Variants in INSL6 observed in about 807,000 individuals in gnomAD.
INSL6 encodes insulin-like peptide INSL6.
Under a neutral mutation model 9.4 loss-of-function variants are expected in INSL6, and 16 were observed. The observed-to-expected ratio is 1.70, with a 90% CI of 1.15 to 2.59. The LOEUF is 2.59. Among genes scored for constraint, INSL6 ranks in the 30% most tolerant of loss-of-function variants. The pLI, the probability that INSL6 is intolerant of heterozygous loss-of-function variation, is 0.00. For missense variants in INSL6, 391 were observed against 257.3 expected (o/e 1.52, Z -3.56); for synonymous variants, 154 against 96.9 (o/e 1.59, Z -3.46).
At chr9:5,021,558 T>A in the INSL6 span, among the ~76,000 whole-genome samples, 9 of 152,264 alleles carry the variant, frequency 5.9e-5, no homozygotes, top group Admixed American at 5.9e-4. Context: ...GCCATTGCTG[T>A]CAAGGAGCAG....
chr9:5,185,202 G>C, intron 1 of INSL6, 112 bp downstream of exon 1: 2 of 1,329,536 alleles, frequency 1.5e-6, no homozygotes, highest in Non-Finnish European at 2.2e-6. Context: ...TTAAAGAGCT[G>C]TGTACTAGGC....
chr9:5,048,271 A>T, the INSL6 span, among the ~76,000 whole-genome samples: 4 of 151,808 alleles, frequency 2.6e-5, no homozygotes, highest in Non-Finnish European at 5.9e-5. Flanking sequence ...CCTCCCTAGT[A>T]GCTGGGATTA....
At chr9:5,045,657 A>C in the INSL6 span, among the ~76,000 whole-genome samples, 1 of 152,068 alleles carries the variant, frequency 6.6e-6, no homozygotes, top group African/African-American at 2.4e-5. Flanking sequence ...ATACAAATGG[A>C]GTTATATAGC....
intron 1 of INSL6, among the ~76,000 whole-genome samples, chr9:5,181,467 C>G (rs7047795): frequency 6.6e-6 from 1 of 151,720 alleles, no homozygotes; most frequent in South Asian, 2.1e-4. Flanking sequence ...AAAAGACTTA[C>G]TGAGAAAGTG....
At chr9:5,015,357 T>A in the INSL6 span, among the ~76,000 whole-genome samples, 3 of 152,226 alleles carry the variant, frequency 2.0e-5, no homozygotes, top group Admixed American at 1.3e-4. Context: ...ATTCAAGGGT[T>A]TAATGAAATT....
At chr9:5,145,283 C>T (rs1483366300) in intron 2 of INSL6, among the ~76,000 whole-genome samples, 1 of 151,382 alleles carries the variant, frequency 6.6e-6, no homozygotes, top group East Asian at 1.9e-4. Context: ...TTAATACTGA[C>T]CCCCTATCTC....
At chr9:5,069,271 A>ATCTTCAGTACATTGAG in the INSL6 span, 3 of 1,069,092 alleles carry the variant, frequency 2.8e-6, no homozygotes, top group Non-Finnish European at 4.1e-6. Flanking sequence ...GGCGTGAAGT[A>ATCTTCAGTACATTGAG]TCTTCAGTAC....
chr9:5,126,298 A>G, intron 3 of INSL6: 1 of 1,432,224 alleles, frequency 7.0e-7, no homozygotes, highest in Non-Finnish European at 9.7e-7. Flanking sequence ...TACAAATTAA[A>G]TGTACAAAAA....
chr9:5,083,579 C>T, the INSL6 span, among the ~76,000 whole-genome samples: 3 of 151,974 alleles, frequency 2.0e-5, no homozygotes, highest in African/African-American at 4.8e-5. Flanking sequence ...TTTTTGTTTG[C>T]TTGCCCTTTT....
At chr9:5,025,935 A>T in the INSL6 span, among the ~76,000 whole-genome samples, 3 of 152,184 alleles carry the variant, frequency 2.0e-5, no homozygotes, top group Admixed American at 1.3e-4. Context: ...TTATTGGCAT[A>T]ATGTTGTTCT....
At chr9:5,031,236 A>G in the INSL6 span, among the ~76,000 whole-genome samples, 3 of 152,242 alleles carry the variant, frequency 2.0e-5, no homozygotes, top group Non-Finnish European at 2.9e-5. Flanking sequence ...GAATTATTAA[A>G]TAAGATAGCC....
At chr9:5,152,549 A>C (rs1405077586) in intron 2 of INSL6, among the ~76,000 whole-genome samples, 1 of 152,190 alleles carries the variant, frequency 6.6e-6, no homozygotes, top group African/African-American at 2.4e-5. Context: ...AGTACAGTGA[A>C]ATTTATAGCT....
the INSL6 span, among the ~76,000 whole-genome samples, chr9:5,014,893 T>A: frequency 6.6e-6 from 1 of 152,116 alleles, no homozygotes; most frequent in Non-Finnish European, 1.5e-5. Flanking sequence ...TTGTGTATTG[T>A]ATTTTGGGAT....
At chr9:5,041,075 C>T in the INSL6 span, 1 of 694,342 alleles carries the variant, frequency 1.4e-6, no homozygotes, top group Non-Finnish European at 2.6e-6. Flanking sequence ...CTCAGGTCTA[C>T]TACCTACTAC....
intron 2 of INSL6, among the ~76,000 whole-genome samples, chr9:5,151,593 G>C (rs1824713734): frequency 6.6e-6 from 1 of 151,996 alleles, no homozygotes. Context: ...TTTGAAGTTA[G>C]TCCGTGATAT....
intron 3 of INSL6, chr9:5,132,686 T>A (rs146740199): frequency 6.6e-6 from 1 of 152,350 alleles, no homozygotes; most frequent in African/African-American, 2.4e-5. Context: ...ATGGTTGTAG[T>A]AGTGAAACTG....
At chr9:5,055,812 A>G in the INSL6 span, 1 of 1,590,394 alleles carries the variant, frequency 6.3e-7, no homozygotes, top group Admixed American at 1.7e-5. Flanking sequence ...ATGATTGAAT[A>G]ATGGTTTCAT....
intron 2 of INSL6, among the ~76,000 whole-genome samples, chr9:5,155,782 T>A (rs1824804579): frequency 1.4e-5 from 2 of 145,066 alleles, no homozygotes; most frequent in Admixed American, 7.0e-5. Flanking sequence ...GGTGGGGGGA[T>A]AGGGGAGGGA....
the INSL6 span, among the ~76,000 whole-genome samples, chr9:5,087,369 C>G: frequency 1.3e-5 from 2 of 152,180 alleles, no homozygotes; most frequent in Admixed American, 6.5e-5. Flanking sequence ...GGAAACCACC[C>G]GCATGATTCA....
Sources: gnomAD v4.1 joint callset for allele counts (sites outside exome capture counted in the v4.1 genomes callset) on GRCh38, gnomAD v4.1.1 for gene constraint, MANE v1.5 for transcripts, NCBI Gene and HGNC (gene_info 2026-07-23, HGNC 2026-07-21) for gene names.